Variants in ABCB9 observed in about 807,000 individuals in gnomAD.
The protein encoded by ABCB9 is ABC-type oligopeptide transporter ABCB9.
In ABCB9, 36 loss-of-function variants were observed where a neutral mutation model predicts 62.0. That is an observed-to-expected ratio of 0.58 (90% CI 0.45 to 0.77). The LOEUF (loss-of-function observed/expected upper bound fraction) is 0.77, where lower values mean the gene tolerates loss of function less well. ABCB9 is among the 30% of genes least tolerant of loss of function. ABCB9 has a pLI of 0.00. For synonymous variants in ABCB9, 435 were observed against 461.4 expected, an observed-to-expected ratio of 0.94 and a Z score of 0.73; for missense variants, 943 against 1,054.7, an observed-to-expected ratio of 0.89 and a Z score of 1.47.
At position 122,935,334 on chromosome 12, in the gene ABCB9, TCCA is replaced by T; in HGVS notation, c.1838_1840del (p.Val613del). ...GTGGGCATTGGCCTTCTGTGCGGCC[TCCA>T]CCACCATCTCGAAAGGCACAGTGGG... On this transcript the variant is annotated inframe_deletion, in exon 10 of 12. Transcript: ENST00000280560. 5 of 1,614,048 alleles carry T rather than the reference TCCA, an allele frequency of 3.1e-6. No individual in the cohort carries two copies. Among genetic ancestry groups the T allele is most frequent in the South Asian group, 1.1e-5 (1 of 91,048 alleles).
chr12:122,940,789 C>T lies in ABCB9; in HGVS notation c.1569+18G>A. The T allele has an allele frequency of 6.4e-7, 1 of 1,553,078 alleles. No individual in the cohort carries two copies. The highest frequency in any genetic ancestry group is 2.3e-5 in the East Asian group (1 of 43,802). ...GACGGAAAGGCTGATTCTGGCAGGC[C>T]TCAAGCCGCGCCCTCACCTGCAGGA... On this transcript the variant is annotated intron_variant, in intron 8 of 11. Transcript: ENST00000280560. The surrounding 1 kb of genome is among the most constrained non-coding windows in gnomAD (Gnocchi z 4.8).
rs773131990 is a variant in ABCB9, at chr12:122,946,238, G to T, written c.1054-16C>A. The T allele has an allele frequency of 6.2e-7, 1 of 1,613,868 alleles. No homozygotes were observed. Among genetic ancestry groups the T allele is most frequent in the Non-Finnish European group, 8.5e-7 (1 of 1,179,962 alleles). Reference sequence around the variant, plus strand: ...TGGAGAGCCTCTATGGACAGGAGGGGGACAAGAAGGAGAAGACCCCAAAAC... The same window carrying T: ...TGGAGAGCCTCTATGGACAGGAGGGTGACAAGAAGGAGAAGACCCCAAAAC... On this transcript the variant is annotated splice_polypyrimidine_tract_variant and intron_variant, in intron 5 of 11. Transcript: ENST00000280560.
chr12:122,919,885 A>ATTT (rs1555268643), downstream of ABCB9, among the ~76,000 whole-genome samples: 107 of 55,226 alleles, frequency 1.9e-3, no homozygotes, highest in African/African-American at 3.9e-3. Context: ...TTGTTTGTTT[A>ATTT]TTTATTTATT....
At chr12:122,969,898 C>G (rs554077534), upstream of ABCB9, among the ~76,000 whole-genome samples, 1 of 152,136 alleles carries the variant, frequency 6.6e-6, no homozygotes, top group Non-Finnish European at 1.5e-5. Context: ...CAGGGACTCT[C>G]ATTCATTGCT....
intron 6 of ABCB9, 125 bp downstream of exon 6, chr12:122,945,900 A>ATT: frequency 1.1e-6 from 1 of 912,328 alleles, no homozygotes; most frequent in Non-Finnish European, 1.6e-6. Flanking sequence ...AAAAAAAAAG[A>ATT]AAGACAGACA....
Position 122,944,655 on chromosome 12 carries a change from G to C in ABCB9, c.1252-136C>G. The C allele has an allele frequency of 1.6e-6, 2 of 1,282,892 alleles. No homozygotes were observed. Among genetic ancestry groups the C allele is most frequent in the Non-Finnish European group, 1.1e-6 (1 of 943,034 alleles). 79.5% of individuals were successfully genotyped at this position (1,282,892 alleles called of 1,614,324 possible). A position where few individuals can be genotyped will look rare whatever the true frequency, so the allele number is the denominator to read the frequency against. ...AAACTGAAATGCCGGCCGTTGGCAG[G>C]GGTGTCTTCCAAGGCTTGTCACTCA... On this transcript the variant is annotated intron_variant, in intron 6 of 11. Transcript: ENST00000280560. The surrounding 1 kb of genome is among the most constrained non-coding windows in gnomAD (Gnocchi z 4.9).
At chr12:122,968,723 T>C (rs566522064), upstream of ABCB9, among the ~76,000 whole-genome samples, 169 of 148,586 alleles carry the variant, frequency 1.1e-3, no homozygotes, top group African/African-American at 4.0e-3. Context: ...CAAGCATTCT[T>C]CCCACCACAG....
At chr12:122,926,540 C>G (rs1344748150), downstream of ABCB9, among the ~76,000 whole-genome samples, 1 of 152,010 alleles carries the variant, frequency 6.6e-6, no homozygotes, top group African/African-American at 2.4e-5. Context: ...GAGAGAGATC[C>G]TGTCTCAAAA....
intron 5 of ABCB9, 75 bp from the exon 6 acceptor site, chr12:122,946,297 CT>C: frequency 6.5e-7 from 1 of 1,528,812 alleles, no homozygotes; most frequent in Non-Finnish European, 9.0e-7. Context: ...CCAGGCCTCT[CT>C]GGGTTTTTCC....
In ABCB9 at chr12:122,932,473, C is replaced by G. The variant is rs1461746229; in HGVS notation, c.1904-145G>C. ...GCTCATGAAATGATGTTCCCCCCAC[C>G]CAACTCATAAGGGGCATGCAGATTA... is the stretch of plus-strand genomic sequence containing the variant. On this transcript the variant is annotated intron_variant, in intron 10 of 11. Coordinates refer to ENST00000280560, the MANE Select transcript of ABCB9 (RefSeq NM_019625.4). The surrounding 1 kb of genome is among the most constrained non-coding windows in gnomAD (Gnocchi z 4.7). The G allele has an allele frequency of 2.7e-6, 3 of 1,128,314 alleles. No individual in the cohort carries two copies. Among genetic ancestry groups the G allele is most frequent in the Non-Finnish European group, 3.7e-6 (3 of 818,822 alleles). The allele number at this position is 1,128,314 out of a possible 1,614,324, so 69.9% of individuals were successfully genotyped here.
Position 122,960,321 on chromosome 12 carries a change from G to C in ABCB9, c.-86C>G. ...ATCATCATCCACAGGGCGAGGCCAG[G>C]CCTGTAGGGACAACAGCAAACATCA... On this transcript the variant is annotated splice_region_variant and 5_prime_UTR_variant, in exon 2 of 12. Transcript: ENST00000280560. The C allele has an allele frequency of 5.3e-6, 8 of 1,499,684 alleles. No individual in the cohort carries two copies. The highest frequency in any genetic ancestry group is 7.1e-6 in the Non-Finnish European group (8 of 1,120,592). 92.9% of individuals were successfully genotyped at this position (1,499,684 alleles called of 1,614,324 possible).
rs1464016193 is a variant in ABCB9, at chr12:122,949,461, G to T, written c.847+327C>A. The T allele has an allele frequency of 1.5e-5, 4 of 271,204 alleles. 1 individual carries two copies. The highest frequency in any genetic ancestry group is 2.1e-5 in the Non-Finnish European group (3 of 139,546). The allele number at this position is 271,204 out of a possible 1,614,324, so 16.8% of individuals were successfully genotyped here. ...CCCTCACCTGCTGACCCCCATGGGAGCAGGGTCTCTGTCGGCCACAGGCGT... is the reference window on the plus strand; with the variant it reads ...CCCTCACCTGCTGACCCCCATGGGATCAGGGTCTCTGTCGGCCACAGGCGT... On this transcript the variant is annotated intron_variant, in intron 4 of 11. Transcript: ENST00000280560.
At position 122,940,885 on chromosome 12, in the gene ABCB9, G is replaced by T; in HGVS notation, c.1491C>A (p.Pro497=). 1 of 1,612,036 alleles carries T rather than the reference G, an allele frequency of 6.2e-7. No homozygotes were observed. The change falls in exon 8 of 12, where the codon CCC becomes CCA. Residue 497 remains proline (P), a synonymous_variant. Coordinates refer to ENST00000280560, the MANE Select transcript of ABCB9 (RefSeq NM_019625.4). This position sits in a 1 kb window ranked among gnomAD's most constrained non-coding sequence, Gnocchi z 4.8. ...PTMVHDGSLA[P]DHLEGRVDFE... The stretch of plus-strand genomic sequence containing the variant: ...AGTCCACCCGGCCCTCCAGGTGGTC[G>T]GGGGCCAAGCTGCCATCGTGCACCA...
chr12:122,927,047 C>T (rs2034925960), downstream of ABCB9, among the ~76,000 whole-genome samples: 1 of 152,122 alleles, frequency 6.6e-6, no homozygotes, highest in Admixed American at 6.5e-5. Context: ...TGTTGGTTTC[C>T]TAATTGTGAC....
intron 7 of ABCB9, among the ~76,000 whole-genome samples, chr12:122,941,282 C>T (rs1293071996): frequency 6.6e-6 from 1 of 151,760 alleles, no homozygotes. Context: ...GGGAATCCAG[C>T]CTTGATCTTT....
At position 122,949,963 on chromosome 12, in the gene ABCB9, C is replaced by A. The variant is rs775713778; in HGVS notation, c.717-45G>T. ...ATTATAGCACGATGTCCTTCCAGAC[C>A]AGTGACCACACCCGGCTGCCCCCTC... On this transcript the variant is annotated intron_variant, in intron 3 of 11. Coordinates refer to ENST00000280560, the MANE Select transcript of ABCB9 (RefSeq NM_019625.4). 30 of 1,610,776 alleles carry A rather than the reference C, an allele frequency of 1.9e-5. No homozygotes were observed. In the East Asian group the frequency reaches 2.2e-4, roughly 12 times the overall value.
At position 122,940,480 on chromosome 12, in the gene ABCB9, G is replaced by A. The variant is rs1226803602; in HGVS notation, c.1570-196C>T. 6.6e-6 allele frequency among the ~76,000 whole-genome samples: 1 copy of A among 152,100 alleles called. No individual in the cohort carries two copies. The highest frequency in any genetic ancestry group is 1.5e-5 in the Non-Finnish European group (1 of 68,012). ...CACCTTGAGATTTGCTGTTTCCTCT[G>A]TCTGGAATGTTCTCTCTGCAGGGAG... On this transcript the variant is annotated intron_variant, in intron 8 of 11. Transcript: ENST00000280560. The surrounding 1 kb of genome is among the most constrained non-coding windows in gnomAD (Gnocchi z 4.8).
intron 2 of ABCB9, among the ~76,000 whole-genome samples, chr12:122,954,658 G>C (rs1478601326): frequency 6.6e-6 from 1 of 151,806 alleles, no homozygotes; most frequent in Admixed American, 6.6e-5. Flanking sequence ...ACGCCCGGCT[G>C]ATTTTTGTAT....
chr12:122,974,720 C>G (rs1208412937), exon 1 of ABCB9: 2 of 152,538 alleles, frequency 1.3e-5, no homozygotes, highest in Admixed American at 6.5e-5. Flanking sequence ...CTCACTGGGG[C>G]AATCTGAGGT....
Sources: gnomAD v4.1 joint callset for allele counts (sites outside exome capture counted in the v4.1 genomes callset) on GRCh38, gnomAD v4.1.1 for gene constraint, Gnocchi (gnomAD v3.1) non-coding constraint, MANE v1.5 for transcripts, NCBI Gene and HGNC (gene_info 2026-07-23, HGNC 2026-07-21) for gene names.